Variants in KSR2 observed in about 807,000 individuals in gnomAD.
KSR2 encodes the protein kinase suppressor of ras 2.
In KSR2, 25 loss-of-function variants were observed where a neutral mutation model predicts 107.8. That is an observed-to-expected ratio of 0.23 (90% confidence interval 0.17 to 0.32). The LOEUF (loss-of-function observed/expected upper bound fraction) is 0.32, where lower values mean the gene tolerates loss of function less well. KSR2 is among the 10% of genes least tolerant of loss of function. KSR2 has a pLI of 1.00. For missense variants in KSR2, 887 were observed against 1,268.9 expected (o/e 0.70, Z 4.57); for synonymous variants, 480 against 507.0 (o/e 0.95, Z 0.71).
At chr12:117,511,703 T>A (rs1874033888) in intron 14 of KSR2, among the ~76,000 whole-genome samples, 1 of 152,188 alleles carries the variant, frequency 6.6e-6, no homozygotes, top group South Asian at 2.1e-4. Context: ...ATAGTGCCAT[T>A]TCACAAGGAA....
chr12:117,682,567 A>C (rs598670), intron 4 of KSR2, among the ~76,000 whole-genome samples: 2 of 151,630 alleles, frequency 1.3e-5, no homozygotes, highest in Non-Finnish European at 2.9e-5. Context: ...ACAGGTGCGC[A>C]CCACCACACC....
intron 9 of KSR2, among the ~76,000 whole-genome samples, chr12:117,551,341 C>A (rs552817064): frequency 2.0e-5 from 3 of 152,164 alleles, no homozygotes; most frequent in African/African-American, 7.2e-5. Flanking sequence ...TCTCTGTCTT[C>A]TTCATCATCA....
At chr12:117,492,079 A>C (rs913968842) in intron 14 of KSR2, among the ~76,000 whole-genome samples, 1 of 152,222 alleles carries the variant, frequency 6.6e-6, no homozygotes, top group Non-Finnish European at 1.5e-5. Flanking sequence ...TTCTCCAAGA[A>C]GAGGGGCAAG....
chr12:117,491,686 T>C (rs1488654587), intron 14 of KSR2, among the ~76,000 whole-genome samples: 1 of 152,210 alleles, frequency 6.6e-6, no homozygotes, highest in African/African-American at 2.4e-5. Flanking sequence ...AGTGCTACAA[T>C]GAACCGGGGG....
intron 5 of KSR2, among the ~76,000 whole-genome samples, chr12:117,595,920 G>C (rs1593032573): frequency 6.6e-6 from 1 of 152,270 alleles, no homozygotes; most frequent in East Asian, 1.9e-4. Flanking sequence ...GGCTTGGTAA[G>C]GCCACAGCAT....
At chr12:117,566,405 C>CCA (rs1408228236) in intron 7 of KSR2, among the ~76,000 whole-genome samples, 1 of 152,204 alleles carries the variant, frequency 6.6e-6, no homozygotes, top group Admixed American at 6.5e-5. Flanking sequence ...CAGGCGTGAG[C>CCA]CACTGCGCCT....
At chr12:117,550,643 G>A (rs1001614884) in intron 9 of KSR2, among the ~76,000 whole-genome samples, 7 of 152,196 alleles carry the variant, frequency 4.6e-5, no homozygotes, top group Admixed American at 2.0e-4. Flanking sequence ...GAACAGGGGA[G>A]CCACAACAGG....
At chr12:117,805,484 A>G (rs190513669) in intron 3 of KSR2, among the ~76,000 whole-genome samples, 1 of 152,346 alleles carries the variant, frequency 6.6e-6, no homozygotes, top group African/African-American at 2.4e-5. Context: ...ACTTGCTTCA[A>G]AGGGTTCAGG....
At chr12:117,526,944 C>T in intron 13 of KSR2, 127 bp downstream of exon 13, 2 of 728,622 alleles carry the variant, frequency 2.7e-6, no homozygotes, top group Non-Finnish European at 4.9e-6. Flanking sequence ...TTAGAATATC[C>T]ATCAGTCAGG....
At chr12:117,966,401 C>T (rs775755833) in intron 1 of KSR2, among the ~76,000 whole-genome samples, 18 of 152,064 alleles carry the variant, frequency 1.2e-4, no homozygotes, top group Non-Finnish European at 2.2e-4. Flanking sequence ...GAACATCCCA[C>T]ACTTTTTCTT....
intron 7 of KSR2, among the ~76,000 whole-genome samples, chr12:117,561,000 G>T (rs1472913801): frequency 1.3e-5 from 2 of 152,068 alleles, no homozygotes; most frequent in African/African-American, 2.4e-5. Context: ...CCAGCCTCAG[G>T]TATTCCTTTA....
intron 3 of KSR2, among the ~76,000 whole-genome samples, chr12:117,768,543 G>A (rs1889326683): frequency 6.6e-6 from 1 of 152,198 alleles, no homozygotes; most frequent in South Asian, 2.1e-4. Flanking sequence ...TGTGTGTAGG[G>A]AAGCTGAGCA....
intron 3 of KSR2, among the ~76,000 whole-genome samples, chr12:117,828,426 C>G (rs948503841): frequency 4.6e-5 from 7 of 152,150 alleles, no homozygotes; most frequent in African/African-American, 1.7e-4. Flanking sequence ...CATTAGTAGC[C>G]ATACAAATGG....
intron 9 of KSR2, among the ~76,000 whole-genome samples, chr12:117,550,018 G>A (rs1320509012): frequency 6.6e-6 from 1 of 152,198 alleles, no homozygotes; most frequent in Non-Finnish European, 1.5e-5. Context: ...TGGTGGTTGT[G>A]TTCCATCAGA....
chr12:117,490,548 C>T (rs987100849), intron 14 of KSR2, among the ~76,000 whole-genome samples: 1 of 152,060 alleles, frequency 6.6e-6, no homozygotes, highest in African/African-American at 2.4e-5. Context: ...TCTTTGTAGC[C>T]CATAAAATAA....
At chr12:117,849,378 T>A (rs558168218) in intron 3 of KSR2, among the ~76,000 whole-genome samples, 1 of 152,178 alleles carries the variant, frequency 6.6e-6, no homozygotes. Flanking sequence ...GAAGAGCACC[T>A]GGCATAGAAT....
rs78936184 is a variant in KSR2 at position 117,684,549 on chromosome 12, C to T, written c.987-16891G>A. Among the ~76,000 whole-genome samples the T allele has an allele frequency of 2.0e-5, 3 of 151,910 alleles. No individual in the cohort carries two copies. In the East Asian group the frequency reaches 5.8e-4, roughly 30 times the overall value. ...GCAAGGCTGGCACCCACCCTCTATACATATTTCCAATAGGAGGCATTTACT... is the reference window on the plus strand; with the variant it reads ...GCAAGGCTGGCACCCACCCTCTATATATATTTCCAATAGGAGGCATTTACT... On this transcript the variant is annotated intron_variant, in intron 4 of 19. Coordinates refer to ENST00000339824, the MANE Select transcript of KSR2 (RefSeq NM_173598.6).
rs1355937177 is a variant in KSR2 at position 117,761,344 on chromosome 12, G to A, written c.653C>T (p.Ala218Val). The change falls in exon 4 of 20, where the codon GCC becomes GTC. Residue 218 changes from alanine (A) to valine (V), a missense_variant. By Grantham distance (64) the Ala-to-Val change is moderately conservative (BLOSUM62 0). Around this residue, in one of 8 missense-constraint regions of KSR2, gnomAD observed 399 missense variants for 479.5 expected, o/e 0.83. Transcript: ENST00000339824. ...HYCHTSPTPG[A>V]PVYTHVDRLT... ...CCTGTCCACGTGGGTGTACACAGGGGCCCCGGGAGTGGGGCTGGTGTGACA... is the reference window on the plus strand; with the variant it reads ...CCTGTCCACGTGGGTGTACACAGGGACCCCGGGAGTGGGGCTGGTGTGACA... 9 of 1,581,702 alleles carry A rather than the reference G, an allele frequency of 5.7e-6. No homozygotes were observed. The highest frequency in any genetic ancestry group is 7.7e-6 in the Non-Finnish European group (9 of 1,168,528).
At chr12:117,717,475 C>T (rs1887028846) in intron 4 of KSR2, among the ~76,000 whole-genome samples, 1 of 152,114 alleles carries the variant, frequency 6.6e-6, no homozygotes, top group Non-Finnish European at 1.5e-5. Context: ...GCCGAGATTA[C>T]ACCGCTGCAC....
Sources: gnomAD v4.1 joint callset for allele counts (sites outside exome capture counted in the v4.1 genomes callset) on GRCh38, gnomAD v4.1.1 for gene constraint, gnomAD v4.1.1 regional missense constraint, MANE v1.5 for transcripts, NCBI Gene and HGNC (gene_info 2026-07-23, HGNC 2026-07-21) for gene names.